The following MCC variants were observed in gnomAD, a reference collection of about 807,000 sequenced individuals.
The protein encoded by MCC is colorectal mutant cancer protein.
MCC carries 90 observed loss-of-function variants against 116.2 expected under a neutral mutation model. The ratio of observed to expected loss-of-function variants is 0.77; its 90% CI spans 0.65 to 0.92. The LOEUF (loss-of-function observed/expected upper bound fraction) is 0.92, where lower values mean the gene tolerates loss of function less well. MCC is among the 40% of genes least tolerant of loss of function. The pLI is 0.00. For synonymous variants in MCC, 578 were observed against 510.5 expected (o/e 1.13, Z -1.78); for missense variants, 1,516 against 1,312.2 (o/e 1.16, Z -2.40).
intron 3 of MCC, among the ~76,000 whole-genome samples, chr5:113,286,299 T>C (rs1766257160): frequency 6.6e-6 from 1 of 152,182 alleles, no homozygotes; most frequent in Non-Finnish European, 1.5e-5. Context: ...AAGGAATTAC[T>C]CCCACTCTCA....
chr5:113,283,959 G>A (rs1228997527), intron 3 of MCC, among the ~76,000 whole-genome samples: 2 of 152,126 alleles, frequency 1.3e-5, no homozygotes, highest in African/African-American at 2.4e-5. Context: ...ATGATCCACT[G>A]CATGAATAAT....
intron 11 of MCC, among the ~76,000 whole-genome samples, chr5:113,082,364 A>G (rs1343839906): frequency 6.6e-6 from 1 of 152,246 alleles, no homozygotes; most frequent in African/African-American, 2.4e-5. Flanking sequence ...TGGCTCTACC[A>G]GATTGCCTGT....
intron 3 of MCC, among the ~76,000 whole-genome samples, chr5:113,232,255 C>T (rs901626383): frequency 1.3e-5 from 2 of 152,152 alleles, no homozygotes; most frequent in African/African-American, 4.8e-5. Context: ...TTCAGATTTG[C>T]ATTTCTGCTT....
chr5:113,146,585 G>A (rs917600035), intron 4 of MCC, among the ~76,000 whole-genome samples: 1 of 152,030 alleles, frequency 6.6e-6, no homozygotes, highest in African/African-American at 2.4e-5. Flanking sequence ...AGAGACACAA[G>A]GGGGTGTAAA....
rs560275559 is a variant in MCC, at chr5:113,469,262, T to C, written c.170+18983A>G. On this transcript the variant is annotated intron_variant, in intron 1 of 18. Transcript: ENST00000408903. ...TTTGCTCTTGCTTTTCTAGTTCTTTTAATTGTGATGTTAGGGTGTCGATTT... is the reference window on the plus strand; with the variant it reads ...TTTGCTCTTGCTTTTCTAGTTCTTTCAATTGTGATGTTAGGGTGTCGATTT... Among the ~76,000 whole-genome samples the C allele has an allele frequency of 1.2e-3, 187 of 152,344 alleles. 1 individual carries two copies. The highest frequency in any genetic ancestry group is 0.01 in the Middle Eastern group (3 of 294).
intron 3 of MCC, among the ~76,000 whole-genome samples, chr5:113,191,331 C>T (rs936167581): frequency 6.6e-6 from 1 of 152,220 alleles, no homozygotes; most frequent in African/African-American, 2.4e-5. Context: ...TCTATCTCTT[C>T]ATAGGAATAA....
chr5:113,176,647 G>A lies in MCC; in HGVS notation c.628-25225C>T, dbSNP rs575965902. Among the ~76,000 whole-genome samples the A allele has an allele frequency of 1.9e-4, 29 of 152,110 alleles. 1 individual carries two copies. Among genetic ancestry groups the A allele is most frequent in the African/African-American group, 6.0e-4 (25 of 41,504 alleles). ...CTTTCCCTGCAAACTAACCCACCCCGTACATCCAGCTTGCTAGGCAATTGA... is the reference window on the plus strand; with the variant it reads ...CTTTCCCTGCAAACTAACCCACCCCATACATCCAGCTTGCTAGGCAATTGA... On this transcript the variant is annotated intron_variant, in intron 3 of 18. Transcript: ENST00000408903.
intron 3 of MCC, among the ~76,000 whole-genome samples, chr5:113,220,143 C>T (rs1238559998): frequency 3.1e-5 from 2 of 65,354 alleles, no homozygotes; most frequent in African/African-American, 5.4e-5. Context: ...CTGCAAGCTC[C>T]ACCTCCCGGG....
intron 1 of MCC, among the ~76,000 whole-genome samples, chr5:113,481,154 T>C: frequency 6.6e-6 from 1 of 152,240 alleles, no homozygotes. Context: ...TAGAATTATT[T>C]TAAACAATTT....
chr5:113,268,492 T>C (rs1581343785), intron 3 of MCC, among the ~76,000 whole-genome samples: 1 of 152,156 alleles, frequency 6.6e-6, no homozygotes, highest in South Asian at 2.1e-4. Context: ...CACTTGATAC[T>C]TAGACAACAA....
At chr5:113,216,490 C>T (rs1425485609) in intron 3 of MCC, among the ~76,000 whole-genome samples, 2 of 152,288 alleles carry the variant, frequency 1.3e-5, no homozygotes, top group East Asian at 3.9e-4. Flanking sequence ...TTGTCTTCCC[C>T]AACAGACGTG....
intron 3 of MCC, among the ~76,000 whole-genome samples, chr5:113,157,898 C>T (rs1321959102): frequency 6.6e-6 from 1 of 152,198 alleles, no homozygotes; most frequent in Non-Finnish European, 1.5e-5. Flanking sequence ...TATGCCAGCA[C>T]TGCTACTCTT....
At chr5:113,485,114 T>C (rs1772482473) in intron 1 of MCC, among the ~76,000 whole-genome samples, 1 of 152,162 alleles carries the variant, frequency 6.6e-6, no homozygotes, top group African/African-American at 2.4e-5. Flanking sequence ...ATGCCTTTTT[T>C]GTCAGCCTGA....
intron 3 of MCC, among the ~76,000 whole-genome samples, chr5:113,279,688 C>T (rs930804523): frequency 1.3e-5 from 2 of 152,142 alleles, no homozygotes; most frequent in Non-Finnish European, 2.9e-5. Context: ...AGTCCAGATG[C>T]ATTACGTTAC....
chr5:113,418,071 CT>C (rs907144539), intron 1 of MCC, among the ~76,000 whole-genome samples: 3 of 121,934 alleles, frequency 2.5e-5, no homozygotes, highest in Non-Finnish European at 5.1e-5. Context: ...TCCCTCATGT[CT>C]TTTTTGGAGA....
intron 3 of MCC, among the ~76,000 whole-genome samples, chr5:113,174,167 T>G (rs553487231): frequency 1.1e-4 from 16 of 152,304 alleles, no homozygotes; most frequent in African/African-American, 3.4e-4. Flanking sequence ...ATTTAGGACA[T>G]TGAGATAGCA....
At chr5:113,171,377 A>G (rs141705729) in intron 3 of MCC, among the ~76,000 whole-genome samples, 305 of 151,484 alleles carry the variant, frequency 2.0e-3, no homozygotes, top group Non-Finnish European at 3.0e-3. Context: ...AATTTTTGAG[A>G]CAGAGTGTCA....
At chr5:113,084,077 G>A (rs781626363) in intron 10 of MCC, 24 bp downstream of exon 10, 1 of 1,594,944 alleles carries the variant, frequency 6.3e-7, no homozygotes, top group South Asian at 1.1e-5. Context: ...GTACTTTCTT[G>A]CCTTGCTTCT....
chr5:113,043,427 G>A (rs977926816), intron 17 of MCC, 103 bp downstream of exon 17: 5 of 1,060,206 alleles, frequency 4.7e-6, no homozygotes, highest in African/African-American at 1.6e-5. Flanking sequence ...GGGTAAAGTG[G>A]AACACATCAG....
Sources: gnomAD v4.1 joint callset for allele counts (sites outside exome capture counted in the v4.1 genomes callset) on GRCh38, gnomAD v4.1.1 for gene constraint, MANE v1.5 for transcripts, NCBI Gene and HGNC (gene_info 2026-07-23, HGNC 2026-07-21) for gene names.